Variants in HNRNPF observed in about 807,000 individuals in gnomAD.
HNRNPF encodes heterogeneous nuclear ribonucleoprotein F.
Under a neutral mutation model 26.0 loss-of-function variants are expected in HNRNPF, and 2 were observed. The observed-to-expected ratio is 0.08, with a 90% CI of 0.03 to 0.24. HNRNPF has a LOEUF of 0.24. Among genes scored for constraint, HNRNPF ranks in the 10% least tolerant of loss-of-function variants. The pLI, the probability that HNRNPF is intolerant of heterozygous loss-of-function variation, is 1.00. For synonymous variants in HNRNPF, 234 were observed against 211.5 expected, an observed-to-expected ratio of 1.11 and a Z score of -0.92; for missense variants, 299 against 539.2, an observed-to-expected ratio of 0.55 and a Z score of 4.41.
In HNRNPF at chr10:43,387,569, C is replaced by A. The variant is rs780029236; in HGVS notation, c.316G>T (p.Asp106Tyr). Residue 106 changes from aspartate (D) to tyrosine (Y), a missense_variant, in exon 4 of 4, where the codon GAC becomes TAC. Physicochemically the swap from Asp to Tyr is radical, Grantham distance 160. Transcript: ENST00000682386. The surrounding 1 kb of genome is among the most constrained non-coding windows in gnomAD (Gnocchi z 6.0). ...VLKHSGPNSADSANDGFVRLR... is the reference protein window; with the variant it reads ...VLKHSGPNSAYSANDGFVRLR... ...CGCACGAAGCCATCGTTGGCGCTGT[C>A]GGCACTGTTGGGACCACTGTGCTTC... 1 of 1,614,170 alleles carries A rather than the reference C, an allele frequency of 6.2e-7. No individual in the cohort carries two copies. Among genetic ancestry groups the A allele is most frequent in the Non-Finnish European group, 8.5e-7 (1 of 1,180,008 alleles).
At chr10:43,404,233 G>A (rs1463322308) in intron 1 of HNRNPF, among the ~76,000 whole-genome samples, 2 of 150,006 alleles carry the variant, frequency 1.3e-5, no homozygotes, top group East Asian at 3.9e-4. Flanking sequence ...CCCAGGAGGC[G>A]GAGGCTGCAG....
Position 43,386,662 on chromosome 10 carries a change from T to G in HNRNPF, c.1223A>C (p.Gln408Pro). ...SGCYGAGYSG[Q>P]NSMGGYD ...CTAGTCATAGCCACCCATGCTGTTCTGCCCACTGTAGCCGGCCCCGTAACA... is the reference window on the plus strand; with the variant it reads ...CTAGTCATAGCCACCCATGCTGTTCGGCCCACTGTAGCCGGCCCCGTAACA... Residue 408 changes from glutamine (Q) to proline (P), a missense_variant, in exon 4 of 4, where the codon CAG becomes CCG. Coordinates refer to ENST00000682386, the MANE Select transcript of HNRNPF (RefSeq NM_001098204.2). 6.3e-7 allele frequency: 1 copy of G among 1,574,968 alleles called. No homozygotes were observed. The highest frequency in any genetic ancestry group is 1.2e-5 in the South Asian group (1 of 85,106).
At chr10:43,392,449 G>A (rs925045630) in intron 3 of HNRNPF, among the ~76,000 whole-genome samples, 5 of 152,208 alleles carry the variant, frequency 3.3e-5, no homozygotes, top group Non-Finnish European at 7.3e-5. Flanking sequence ...TGGGACAGGA[G>A]AATCGCTTGG....
At position 43,386,704 on chromosome 10, in the gene HNRNPF, C is replaced by G; in HGVS notation, c.1181G>C (p.Ser394Thr). 1.9e-6 allele frequency: 3 copies of G among 1,610,354 alleles called. No individual in the cohort carries two copies. The highest frequency in any genetic ancestry group is 2.5e-6 in the Non-Finnish European group (3 of 1,179,164). The part of the protein sequence containing the change: ...AAQATYSGLE[S>T]QSVSGCYGAG... ...CCCGTAACAGCCACTCACTGACTGG[C>G]TCTCCAGGCCACTGTAAGTGGCCTG... Residue 394 changes from serine (S) to threonine (T), a missense_variant, in exon 4 of 4, where the codon AGC (serine) becomes ACC (threonine). Around this residue, in one of 6 missense-constraint regions of HNRNPF, gnomAD observed 53 missense variants for 72.4 expected, o/e 0.73. Transcript: ENST00000682386.
At chr10:43,393,257 A>G (rs970474300) in intron 3 of HNRNPF, among the ~76,000 whole-genome samples, 38 of 152,096 alleles carry the variant, frequency 2.5e-4, no homozygotes, top group African/African-American at 8.7e-4. Flanking sequence ...TAATTCCTGT[A>G]TGTACAAACA....
At chr10:43,407,395 C>G (rs1441159938) in intron 1 of HNRNPF, among the ~76,000 whole-genome samples, 1 of 152,120 alleles carries the variant, frequency 6.6e-6, no homozygotes, top group African/African-American at 2.4e-5. Context: ...GAGCTCGGCT[C>G]TCCTTCCACC....
chr10:43,402,234 G>T (rs966748265), intron 1 of HNRNPF, among the ~76,000 whole-genome samples: 1 of 152,108 alleles, frequency 6.6e-6, no homozygotes, highest in African/African-American at 2.4e-5. Context: ...GAAACAATGG[G>T]GGAGAAGATA....
chr10:43,392,707 C>G (rs1838302007), intron 3 of HNRNPF, among the ~76,000 whole-genome samples: 1 of 152,208 alleles, frequency 6.6e-6, no homozygotes, highest in Non-Finnish European at 1.5e-5. Context: ...CTTAGACAGT[C>G]TCTGAGTCCT....
At chr10:43,404,301 T>TAAAA (rs5784599) in intron 1 of HNRNPF, among the ~76,000 whole-genome samples, 8 of 135,314 alleles carry the variant, frequency 5.9e-5, no homozygotes, top group African/African-American at 1.1e-4. Context: ...AATCCGTCTA[T>TAAAA]AAAAAAAAAA....
Position 43,387,269 on chromosome 10 carries a change from G to A in HNRNPF, c.616C>T (p.Arg206Trp). The A allele has an allele frequency of 6.2e-7, 1 of 1,614,202 alleles. No individual in the cohort carries two copies. Among genetic ancestry groups the A allele is most frequent in the Non-Finnish European group, 8.5e-7 (1 of 1,180,038 alleles). Reference protein sequence around the residue: ...DPPLKFMSVQRPGPYDRPGTA... With the variant: ...DPPLKFMSVQWPGPYDRPGTA... The stretch of plus-strand genomic sequence containing the variant: ...CCGGGCCGGTCATAGGGCCCTGGCC[G>A]CTGCACGGACATGAACTTCAGAGGG... Residue 206 changes from arginine (R) to tryptophan (W), a missense_variant, in exon 4 of 4, where the codon CGG (arginine) becomes TGG (tryptophan). By Grantham distance (101) the Arg-to-Trp change is moderately radical. Transcript: ENST00000682386. The surrounding 1 kb of genome is among the most constrained non-coding windows in gnomAD (Gnocchi z 6.0).
At chr10:43,394,431 G>A (rs971773295) in intron 3 of HNRNPF, among the ~76,000 whole-genome samples, 199 bp downstream of exon 3, 2 of 152,104 alleles carry the variant, frequency 1.3e-5, no homozygotes, top group Non-Finnish European at 2.9e-5. Flanking sequence ...TTTTACTCCA[G>A]AATTGGTTTT....
At position 43,386,436 on chromosome 10, in the gene HNRNPF, AAT is replaced by A. The variant is rs1838026133; in HGVS notation, c.*199_*200del. ...AAAATGTTAATTGAGAAAAGCTGAA[AAT>A]AGTTTTAGTTTACTCATTATCACAT... On this transcript the variant is annotated 3_prime_UTR_variant, in exon 4 of 4. Coordinates refer to ENST00000682386, the MANE Select transcript of HNRNPF (RefSeq NM_001098204.2). 4 of 519,852 alleles carry A rather than the reference AAT, an allele frequency of 7.7e-6. No individual in the cohort carries two copies. In the East Asian group the frequency reaches 9.2e-5, roughly 12 times the overall value. The allele number at this position is 519,852 out of a possible 1,614,324, so 32.2% of individuals were successfully genotyped here.
At chr10:43,394,558 C>A (rs907305077) in intron 3 of HNRNPF, 72 bp downstream of exon 3, 2 of 152,150 alleles carry the variant, frequency 1.3e-5, no homozygotes, top group South Asian at 2.1e-4. Flanking sequence ...TCACTCCAGG[C>A]TGCTAAACAA....
At chr10:43,395,902 C>A (rs976898076) in intron 2 of HNRNPF, among the ~76,000 whole-genome samples, 2 of 152,174 alleles carry the variant, frequency 1.3e-5, no homozygotes, top group Non-Finnish European at 2.9e-5. Context: ...GCACCGCCAA[C>A]GCACGCAGAG....
rs1262689242 is a variant in HNRNPF at position 43,394,645 on chromosome 10, G to A, written c.-68C>T. On this transcript the variant is annotated 5_prime_UTR_variant, in exon 3 of 4. Coordinates refer to ENST00000682386, the MANE Select transcript of HNRNPF (RefSeq NM_001098204.2). The stretch of plus-strand genomic sequence containing the variant: ...AATAGCTTACCTTAAAAACAACCAC[G>A]GATGCCTTCAGTGGGAGACACTTCT... 5 of 152,058 alleles carry A rather than the reference G, an allele frequency of 3.3e-5. No homozygotes were observed. Among genetic ancestry groups the A allele is most frequent in the Admixed American group, 6.6e-5 (1 of 15,262 alleles). 9.4% of individuals were successfully genotyped at this position (152,058 alleles called of 1,614,324 possible).
chr10:43,389,893 G>A (rs1027165225), intron 3 of HNRNPF, among the ~76,000 whole-genome samples: 6 of 152,174 alleles, frequency 3.9e-5, no homozygotes, highest in African/African-American at 1.4e-4. Flanking sequence ...TCAAATTATT[G>A]ACTATGTACA....
At chr10:43,404,486 A>T (rs1010535242) in intron 1 of HNRNPF, among the ~76,000 whole-genome samples, 1 of 152,164 alleles carries the variant, frequency 6.6e-6, no homozygotes, top group African/African-American at 2.4e-5. Context: ...AAAAGAGAAG[A>T]TACCAACCAA....
At chr10:43,404,166 G>T (rs144250478) in intron 1 of HNRNPF, among the ~76,000 whole-genome samples, 9 of 151,630 alleles carry the variant, frequency 5.9e-5, no homozygotes, top group Non-Finnish European at 1.2e-4. Context: ...TTAGATGGGC[G>T]TGGTGGTGCT....
intron 1 of HNRNPF, among the ~76,000 whole-genome samples, chr10:43,400,276 T>C (rs555919213): frequency 9.8e-5 from 15 of 152,346 alleles, no homozygotes; most frequent in African/African-American, 3.6e-4. Context: ...CTCTGGACAC[T>C]TGTTCAAATT....
Sources: gnomAD v4.1 joint callset for allele counts (sites outside exome capture counted in the v4.1 genomes callset) on GRCh38, gnomAD v4.1.1 for gene constraint, gnomAD v4.1.1 regional missense constraint, Gnocchi (gnomAD v3.1) non-coding constraint, MANE v1.5 for transcripts, NCBI Gene and HGNC (gene_info 2026-07-23, HGNC 2026-07-21) for gene names.